Variants in MXD3 observed in about 807,000 individuals in gnomAD.
MXD3 encodes the protein MAX dimerization protein 3.
Under a neutral mutation model 27.5 loss-of-function variants are expected in MXD3, and 20 were observed. The ratio of observed to expected loss-of-function variants is 0.73; its 90% CI spans 0.51 to 1.06. The LOEUF (loss-of-function observed/expected upper bound fraction) is 1.06. MXD3 is among the 50% of genes least tolerant of loss of function. The probability of loss-of-function intolerance (pLI) is 0.00; values close to 1 mark genes in which losing one functional copy is unlikely to be tolerated. For missense variants in MXD3, 298 were observed against 291.3 expected, an observed-to-expected ratio of 1.02 and a Z score of -0.17; for synonymous variants, 150 against 130.7, an observed-to-expected ratio of 1.15 and a Z score of -1.01.
At chr5:177,305,733 C>T, downstream of MXD3, 2 of 706,788 alleles carry the variant, frequency 2.8e-6, no homozygotes, top group Non-Finnish European at 4.8e-6. Flanking sequence ...CTGTCAGTGC[C>T]ACTTGGAGGT....
At chr5:177,311,352 C>CAAA in intron 2 of MXD3, 27 bp downstream of exon 2, 1 of 1,403,740 alleles carries the variant, frequency 7.1e-7, no homozygotes, top group Non-Finnish European at 9.3e-7. Context: ...CCCCCACCCC[C>CAAA]ACTCCCGCCG....
rs370848552 is a variant in MXD3 at position 177,307,571 on chromosome 5, G to A, written c.*17C>T. On this transcript the variant is annotated 3_prime_UTR_variant, in exon 6 of 6. Transcript: ENST00000439742. ...TGGCACGAGTAGAGGGCAGAGGCCC[G>A]CCCTGGGTGAGGAACATCATAGCCA... 34 of 1,610,734 alleles carry A rather than the reference G, an allele frequency of 2.1e-5. No individual in the cohort carries two copies. The highest frequency in any genetic ancestry group is 2.6e-5 in the Non-Finnish European group (31 of 1,179,420).
At chr5:177,311,933 G>A, upstream of MXD3, 2 of 1,364,336 alleles carry the variant, frequency 1.5e-6, no homozygotes, top group Non-Finnish European at 1.9e-6. Context: ...AAACACAGGG[G>A]CCCGCCCCGC....
chr5:177,307,891 C>T lies in MXD3; in HGVS notation c.395G>A (p.Arg132Gln), dbSNP rs201427119. The T allele has an allele frequency of 1.2e-4, 186 of 1,605,024 alleles. No individual in the cohort carries two copies. The highest frequency in any genetic ancestry group is 9.1e-4 in the African/African-American group (68 of 74,868). The change falls in exon 5 of 6, where the codon CGG (arginine) becomes CAG (glutamine). Residue 132 changes from arginine (R) to glutamine (Q), a missense_variant. Arg to Gln is a conservative substitution (Grantham distance 43, BLOSUM62 1). Transcript: ENST00000439742. ...CAGCCCCCGGAGCTGCTCCAGCTGC[C>T]GCTGCAGGCTCTGCTGCTTGCTGCG... is the stretch of plus-strand genomic sequence containing the variant. ...RLRSKQQSLQ[R>Q]QLEQLRGLAG...
intron 4 of MXD3, among the ~76,000 whole-genome samples, chr5:177,310,129 G>A (rs1235864049): frequency 6.6e-6 from 1 of 152,206 alleles, no homozygotes; most frequent in East Asian, 1.9e-4. Flanking sequence ...GGTTAGTCCA[G>A]ACAGGCTAAG....
chr5:177,305,714 C>T (rs1760851075), downstream of MXD3: 1 of 646,498 alleles, frequency 1.5e-6, no homozygotes, highest in Non-Finnish European at 2.7e-6. Context: ...TTATTTATGG[C>T]TTCTTGTTCT....
Position 177,311,210 on chromosome 5 carries a change from G to A in MXD3, c.176+169C>T, listed in dbSNP as rs1351943610. The A allele has an allele frequency of 1.1e-5, 6 of 522,648 alleles. No individual in the cohort carries two copies. The South Asian group carries it at 1.7e-4, about 15-fold the overall frequency. The allele number at this position is 522,648 out of a possible 1,614,324, so 32.4% of individuals were successfully genotyped here. A position where few individuals can be genotyped will look rare whatever the true frequency, so the allele number is the denominator to read the frequency against. ...TCAAGAAATAGTCCTTGAATGAATA[G>A]AAAGGTGTGAGTGTGTTTGGAGAGT... On this transcript the variant is annotated intron_variant, in intron 2 of 5. Coordinates refer to ENST00000439742, the MANE Select transcript of MXD3 (RefSeq NM_031300.4).
At chr5:177,309,522 AT>A (rs1417012414) in intron 4 of MXD3, among the ~76,000 whole-genome samples, 3 of 152,220 alleles carry the variant, frequency 2.0e-5, no homozygotes. Flanking sequence ...CTCAGCCACA[AT>A]GATGGTAATA....
Position 177,307,364 on chromosome 5 carries a change from C to A in MXD3, c.*224G>T, listed in dbSNP as rs1009313456. On this transcript the variant is annotated 3_prime_UTR_variant, in exon 6 of 6. Coordinates refer to ENST00000439742, the MANE Select transcript of MXD3 (RefSeq NM_031300.4). ...GCTCGGGCCCAAGCTGCCTGCCCTG[C>A]AGGGGTCCAGGGAGGTCCTGATGAG... 1.7e-5 allele frequency: 25 copies of A among 1,511,546 alleles called. No homozygotes were observed. Among genetic ancestry groups the A allele is most frequent in the Non-Finnish European group, 2.2e-5 (25 of 1,114,868 alleles). The allele number at this position is 1,511,546 out of a possible 1,614,324, so 93.6% of individuals were successfully genotyped here. A position where few individuals can be genotyped will look rare whatever the true frequency, so the allele number is the denominator to read the frequency against.
chr5:177,308,381 T>TC (rs977116953), intron 4 of MXD3, among the ~76,000 whole-genome samples: 4 of 151,824 alleles, frequency 2.6e-5, no homozygotes, highest in Non-Finnish European at 2.9e-5. Context: ...GTTTTTTGTT[T>TC]TTTTTTTTTG....
Position 177,311,455 on chromosome 5 carries a change from G to T in MXD3, c.100C>A (p.Pro34Thr). Reference sequence around the variant, plus strand: ...TGGATGGGGCCTGGACTGCGATGCGGGCACAGGGACGCATAACCATGCTCG... The same window carrying T: ...TGGATGGGGCCTGGACTGCGATGCGTGCACAGGGACGCATAACCATGCTCG... ...EAEHGYASLCPHRSPGPIHRR... is the reference protein window; with the variant it reads ...EAEHGYASLCTHRSPGPIHRR... Residue 34 changes from proline to threonine, a missense_variant, in exon 2 of 6, where the codon CCG becomes ACG. Transcript: ENST00000439742. 2 of 1,434,272 alleles carry T rather than the reference G, an allele frequency of 1.4e-6. No individual in the cohort carries two copies. The highest frequency in any genetic ancestry group is 3.0e-5 in the African/African-American group (2 of 66,964). The allele number at this position is 1,434,272 out of a possible 1,614,324, so 88.8% of individuals were successfully genotyped here.
chr5:177,307,797 G>C lies in MXD3; in HGVS notation c.489C>G (p.Arg163=). The C allele has an allele frequency of 1.2e-6, 2 of 1,613,154 alleles. No homozygotes were observed. The highest frequency in any genetic ancestry group is 8.5e-7 in the Non-Finnish European group (1 of 1,179,798). Residue 163 remains arginine, a synonymous_variant, in exon 5 of 6, where the codon CGC becomes CGG. Transcript: ENST00000439742. ...GGCACTCACCTTGGTCTGAGTCTGA[G>C]CGCTCAGAGGAGAGGCCTGAGGAGT... ...SLDSSGLSSE[R]SDSDQEELEV...
At chr5:177,307,751 C>A (rs566102341) in intron 5 of MXD3, 30 bp downstream of exon 5, 1 of 1,613,134 alleles carries the variant, frequency 6.2e-7, no homozygotes, top group African/African-American at 1.3e-5. Flanking sequence ...CCCCGAGGGC[C>A]ACACAACCCC....
downstream of MXD3, chr5:177,306,561 G>T (rs775089583): frequency 9.3e-6 from 15 of 1,609,674 alleles, no homozygotes; most frequent in South Asian, 1.3e-4. Flanking sequence ...AGCAGCAACA[G>T]TTTGTGTAGC....
chr5:177,310,611 G>A lies in MXD3; in HGVS notation c.206+57C>T, dbSNP rs1761012426. 5 of 1,613,348 alleles carry A rather than the reference G, an allele frequency of 3.1e-6. No homozygotes were observed. In the South Asian group the frequency reaches 4.4e-5, roughly 14 times the overall value. On this transcript the variant is annotated intron_variant, in intron 3 of 5. Coordinates refer to ENST00000439742, the MANE Select transcript of MXD3 (RefSeq NM_031300.4). ...GCCACAGGAATGGCAGGGGAGGGAA[G>A]GCCAGAGGGCAGTGGCCCCTGGGGG... is the stretch of plus-strand genomic sequence containing the variant.
At chr5:177,306,192 T>C (rs538379560), downstream of MXD3, 55 of 1,607,810 alleles carry the variant, frequency 3.4e-5, no homozygotes, top group South Asian at 6.0e-4. Flanking sequence ...TTTCTGGGTA[T>C]GTGGATATTC....
At chr5:177,311,914 C>A, upstream of MXD3, 1 of 1,506,320 alleles carries the variant, frequency 6.6e-7, no homozygotes, top group South Asian at 1.2e-5. Context: ...GTAACTGACA[C>A]GGTGCAACAA....
At chr5:177,308,366 CTTTTGTTTT>C (rs1185321013) in intron 4 of MXD3, among the ~76,000 whole-genome samples, 1 of 151,722 alleles carries the variant, frequency 6.6e-6, no homozygotes, top group Non-Finnish European at 1.5e-5. Flanking sequence ...CTCCCCGTTT[CTTTTGTTTT>C]TTGTTTTTTT....
At chr5:177,306,795 G>A (rs1760890442), downstream of MXD3, 3 of 818,054 alleles carry the variant, frequency 3.7e-6, no homozygotes, top group Non-Finnish European at 5.6e-6. Context: ...GCACAGAGGT[G>A]CGGTGACTTG....
Sources: gnomAD v4.1 joint callset for allele counts (sites outside exome capture counted in the v4.1 genomes callset) on GRCh38, gnomAD v4.1.1 for gene constraint, MANE v1.5 for transcripts, NCBI Gene and HGNC (gene_info 2026-07-23, HGNC 2026-07-21) for gene names.